SLC39A9: variants seen among roughly 807,000 people sequenced by gnomAD.
SLC39A9 encodes the protein solute carrier family 39 member 9.
Under a neutral mutation model 28.4 loss-of-function variants are expected in SLC39A9, and 14 were observed. The observed-to-expected ratio is 0.49, with a 90% CI of 0.33 to 0.77. The LOEUF is 0.77. Among genes scored for constraint, SLC39A9 ranks in the 30% least tolerant of loss-of-function variants. The probability of loss-of-function intolerance (pLI) is 0.02; values close to 1 mark genes in which losing one functional copy is unlikely to be tolerated. For missense variants in SLC39A9, 283 were observed against 381.1 expected (o/e 0.74, Z 2.14); for synonymous variants, 119 against 149.6 (o/e 0.80, Z 1.49).
rs565341429 is a variant in SLC39A9, at chr14:69,459,157, A to G, written c.*564A>G. 1 of 985,978 alleles carries G rather than the reference A, an allele frequency of 1.0e-6. No individual in the cohort carries two copies. Among genetic ancestry groups the G allele is most frequent in the South Asian group, 4.7e-5 (1 of 21,292 alleles). The allele number at this position is 985,978 out of a possible 1,614,324, so 61.1% of individuals were successfully genotyped here. A position where few individuals can be genotyped will look rare whatever the true frequency, so the allele number is the denominator to read the frequency against. Reference sequence around the variant, plus strand: ...TTAGGGTCAGGAAAATGATAGCAAGACACATTGAAAGCTCTCTTTATACTC... The same window carrying G: ...TTAGGGTCAGGAAAATGATAGCAAGGCACATTGAAAGCTCTCTTTATACTC... On this transcript the variant is annotated 3_prime_UTR_variant, in exon 7 of 7. Coordinates refer to ENST00000336643, the MANE Select transcript of SLC39A9 (RefSeq NM_018375.5).
In SLC39A9 at chr14:69,422,144, CCG is replaced by C. The variant is rs1883935281; in HGVS notation, c.97-1948_97-1947del. 5.3e-5 allele frequency among the ~76,000 whole-genome samples: 8 copies of C among 152,312 alleles called. No homozygotes were observed. The South Asian group carries it at 1.5e-3, about 28-fold the overall frequency. ...TCCTATTCGGCCATCTTGGAATGGA[CCG>C]CTTGTTTGCTAACTAACCTCTTAAA... On this transcript the variant is annotated intron_variant, in intron 1 of 6. Transcript: ENST00000336643.
chr14:69,423,217 A>G (rs1883998296), intron 1 of SLC39A9, among the ~76,000 whole-genome samples: 1 of 152,178 alleles, frequency 6.6e-6, no homozygotes. Flanking sequence ...ATTGATTGCC[A>G]TCAGCTTTTT....
intron 3 of SLC39A9, among the ~76,000 whole-genome samples, chr14:69,447,416 T>G (rs1885382081): frequency 6.6e-6 from 1 of 152,136 alleles, no homozygotes; most frequent in Non-Finnish European, 1.5e-5. Flanking sequence ...CAGCTAAAAC[T>G]CTGATAGAAA....
chr14:69,444,302 T>C (rs1428668202), intron 3 of SLC39A9, among the ~76,000 whole-genome samples: 5 of 152,154 alleles, frequency 3.3e-5, no homozygotes, highest in Admixed American at 1.3e-4. Context: ...TGTACTCACC[T>C]CTATAGACCC....
In SLC39A9 at chr14:69,445,469, A is replaced by G. The variant is rs117824652; in HGVS notation, c.403+3203A>G. Among the ~76,000 whole-genome samples, 69 of 152,332 alleles carry G rather than the reference A, an allele frequency of 4.5e-4. No individual in the cohort carries two copies. The East Asian group carries it at 0.013, about 28-fold the overall frequency. On this transcript the variant is annotated intron_variant, in intron 3 of 6. Coordinates refer to ENST00000336643, the MANE Select transcript of SLC39A9 (RefSeq NM_018375.5). ...TTTTGTAAAAATACAGTATTAATAC[A>G]TATAACAAATAAAATACGTGTTAAT...
intron 1 of SLC39A9, among the ~76,000 whole-genome samples, chr14:69,406,211 G>A (rs888677914): frequency 6.6e-6 from 1 of 152,156 alleles, no homozygotes; most frequent in African/African-American, 2.4e-5. Context: ...AAACTCCAGA[G>A]GTAAACAGTC....
intron 2 of SLC39A9, among the ~76,000 whole-genome samples, chr14:69,435,030 G>A (rs1199061894): frequency 6.6e-6 from 1 of 152,242 alleles, no homozygotes; most frequent in Non-Finnish European, 1.5e-5. Flanking sequence ...CTTGTGGAAC[G>A]TTCCATGCAC....
intron 3 of SLC39A9, among the ~76,000 whole-genome samples, chr14:69,452,477 C>T (rs1260222105): frequency 1.3e-5 from 2 of 152,006 alleles, no homozygotes; most frequent in African/African-American, 2.4e-5. Flanking sequence ...TACAGGCGCC[C>T]GCCACCATAC....
chr14:69,422,792 C>T (rs759335621), intron 1 of SLC39A9, among the ~76,000 whole-genome samples: 6 of 152,142 alleles, frequency 3.9e-5, no homozygotes, highest in Non-Finnish European at 5.9e-5. Flanking sequence ...CCATGTTGGC[C>T]GGGCTGGTCT....
intron 1 of SLC39A9, among the ~76,000 whole-genome samples, chr14:69,406,622 A>G (rs1329193521): frequency 6.7e-6 from 1 of 150,064 alleles, no homozygotes; most frequent in Non-Finnish European, 1.5e-5. Flanking sequence ...TTGGAGTCGG[A>G]GATTGCAGTG....
At position 69,460,135 on chromosome 14, in the gene SLC39A9, T is replaced by G; in HGVS notation, c.*1542T>G. The G allele has an allele frequency of 1.0e-6, 1 of 984,992 alleles. No homozygotes were observed. The highest frequency in any genetic ancestry group is 1.2e-6 in the Non-Finnish European group (1 of 829,124). 61.0% of individuals were successfully genotyped at this position (984,992 alleles called of 1,614,324 possible). A position where few individuals can be genotyped will look rare whatever the true frequency, so the allele number is the denominator to read the frequency against. On this transcript the variant is annotated 3_prime_UTR_variant, in exon 7 of 7. Coordinates refer to ENST00000336643, the MANE Select transcript of SLC39A9 (RefSeq NM_018375.5). ...TAATTTATTTTTACTTTCTATACCA[T>G]TTCAAAACACATTACACTAAGGGGG...
At chr14:69,451,621 G>A (rs1162166584) in intron 3 of SLC39A9, among the ~76,000 whole-genome samples, 3 of 152,194 alleles carry the variant, frequency 2.0e-5, no homozygotes, top group East Asian at 1.9e-4. Flanking sequence ...GTATATCTGA[G>A]GTGGTGTATA....
In SLC39A9 at chr14:69,439,453, G is replaced by A. The variant is rs1276625501; in HGVS notation, c.206-2616G>A. 3.3e-5 allele frequency among the ~76,000 whole-genome samples: 5 copies of A among 152,196 alleles called. No individual in the cohort carries two copies. In the East Asian group the frequency reaches 7.7e-4, roughly 23 times the overall value. On this transcript the variant is annotated intron_variant, in intron 2 of 6. Coordinates refer to ENST00000336643, the MANE Select transcript of SLC39A9 (RefSeq NM_018375.5). Reference sequence around the variant, plus strand: ...TATAAAACATTGATTTAAAAAATTGGAGAAAATATAAGTAAGGTATTCTGT... The same window carrying A: ...TATAAAACATTGATTTAAAAAATTGAAGAAAATATAAGTAAGGTATTCTGT...
intron 1 of SLC39A9, among the ~76,000 whole-genome samples, chr14:69,418,194 A>G (rs1356737745): frequency 6.6e-6 from 1 of 152,094 alleles, no homozygotes; most frequent in Non-Finnish European, 1.5e-5. Context: ...AATTTTGTCA[A>G]AGGCCTTTTC....
intron 1 of SLC39A9, among the ~76,000 whole-genome samples, chr14:69,411,434 C>G (rs1002873789): frequency 8.5e-5 from 13 of 152,106 alleles, no homozygotes; most frequent in Non-Finnish European, 1.9e-4. Context: ...TTCAGTCAGG[C>G]TGCAACTGTG....
At chr14:69,407,882 G>A (rs1327245626) in intron 1 of SLC39A9, among the ~76,000 whole-genome samples, 5 of 151,810 alleles carry the variant, frequency 3.3e-5, no homozygotes, top group Middle Eastern at 3.4e-3. Context: ...AGGTGAATCC[G>A]GCCTCCCAAA....
intron 1 of SLC39A9, among the ~76,000 whole-genome samples, chr14:69,408,247 A>G (rs1180415903): frequency 6.6e-6 from 1 of 152,022 alleles, no homozygotes; most frequent in Admixed American, 6.6e-5. Context: ...TCCTGACCTC[A>G]GTTGATCAGC....
Position 69,459,533 on chromosome 14 carries a change from A to G in SLC39A9, c.*940A>G, listed in dbSNP as rs1446215610. On this transcript the variant is annotated 3_prime_UTR_variant, in exon 7 of 7. Transcript: ENST00000336643. ...TAGCTTTTTTTAAAAGACTACCAAA[A>G]TGTATGGTTGTCCTTTTTTTTTGTT... is the stretch of plus-strand genomic sequence containing the variant. 3 of 975,620 alleles carry G rather than the reference A, an allele frequency of 3.1e-6. No homozygotes were observed. The African/African-American group carries it at 5.3e-5, about 17-fold the overall frequency. The allele number at this position is 975,620 out of a possible 1,614,324, so 60.4% of individuals were successfully genotyped here.
chr14:69,409,830 CT>C (rs1815693390), intron 1 of SLC39A9, among the ~76,000 whole-genome samples: 1 of 152,162 alleles, frequency 6.6e-6, no homozygotes, highest in African/African-American at 2.4e-5. Context: ...CATGAATGTT[CT>C]TCAGAAGGTT....
Sources: gnomAD v4.1 joint callset for allele counts (sites outside exome capture counted in the v4.1 genomes callset) on GRCh38, gnomAD v4.1.1 for gene constraint, MANE v1.5 for transcripts, NCBI Gene and HGNC (gene_info 2026-07-23, HGNC 2026-07-21) for gene names.